The following HSDL2 variants were observed in gnomAD, a reference collection of about 807,000 sequenced individuals.
HSDL2 encodes hydroxysteroid dehydrogenase like 2.
HSDL2 carries 27 observed loss-of-function variants against 46.3 expected under a neutral mutation model. The ratio of observed to expected loss-of-function variants is 0.58; its 90% CI spans 0.43 to 0.80. The LOEUF (loss-of-function observed/expected upper bound fraction) is 0.80, where lower values mean the gene tolerates loss of function less well. Among genes scored for constraint, HSDL2 ranks in the 30% least tolerant of loss-of-function variants. The pLI is 0.00. For missense variants in HSDL2, 451 were observed against 502.7 expected (o/e 0.90, Z 0.98); for synonymous variants, 153 against 163.6 (o/e 0.94, Z 0.50).
intron 4 of HSDL2, among the ~76,000 whole-genome samples, chr9:112,412,208 C>T (rs1245349861): frequency 6.6e-6 from 1 of 152,140 alleles, no homozygotes; most frequent in African/African-American, 2.4e-5. Context: ...AAACCTGAAA[C>T]AATTCTGGTC....
rs1832863408 is a variant in HSDL2, at chr9:112,450,627, A to AAAC, written c.866-3384_866-3383insCAA. ...CTAGGTGACAGAGCAAGACTGCCTC[A>AAAC]AAAAAAAAAAAAAAAGTATAGAACA... On this transcript the variant is annotated intron_variant, in intron 8 of 10. Coordinates refer to ENST00000398805, the MANE Select transcript of HSDL2 (RefSeq NM_032303.5). 0.017 allele frequency among the ~76,000 whole-genome samples: 12 copies of AAAC among 720 alleles called. No individual in the cohort carries two copies. The South Asian group carries it at 0.33, about 20-fold the overall frequency. The allele number at this position is 720 out of a possible 152,430, so 0.5% of individuals were successfully genotyped here. A position where few individuals can be genotyped will look rare whatever the true frequency, so the allele number is the denominator to read the frequency against.
chr9:112,388,350 A>G (rs1411309412), intron 1 of HSDL2, among the ~76,000 whole-genome samples: 2 of 151,176 alleles, frequency 1.3e-5, no homozygotes, highest in Admixed American at 6.6e-5. Context: ...AATCCCAGCT[A>G]CTCGGGAGGC....
At chr9:112,467,568 C>G (rs925530811) in intron 10 of HSDL2, among the ~76,000 whole-genome samples, 1 of 152,174 alleles carries the variant, frequency 6.6e-6, no homozygotes, top group Non-Finnish European at 1.5e-5. Flanking sequence ...GGGCACTAAT[C>G]CCATCATTCC....
At chr9:112,391,100 C>T (rs1221557353) in intron 1 of HSDL2, among the ~76,000 whole-genome samples, 4 of 151,850 alleles carry the variant, frequency 2.6e-5, no homozygotes, top group African/African-American at 9.7e-5. Context: ...CACTTGAACC[C>T]AGGAGACAGA....
chr9:112,454,307 G>A, intron 9 of HSDL2, 145 bp downstream of exon 9: 1 of 605,522 alleles, frequency 1.7e-6, no homozygotes, highest in Non-Finnish European at 2.8e-6. Context: ...TTCAAGAACA[G>A]CAACCATAAC....
chr9:112,383,219 G>A (rs1389896844), intron 1 of HSDL2, among the ~76,000 whole-genome samples: 2 of 151,806 alleles, frequency 1.3e-5, no homozygotes, highest in Non-Finnish European at 2.9e-5. Context: ...GATTACAGGC[G>A]CACACCACCA....
chr9:112,418,656 G>A (rs1832050100), intron 5 of HSDL2, among the ~76,000 whole-genome samples: 1 of 151,432 alleles, frequency 6.6e-6, no homozygotes, highest in Non-Finnish European at 1.5e-5. Context: ...ATATATGTGT[G>A]CGTGGGTGTG....
intron 4 of HSDL2, among the ~76,000 whole-genome samples, chr9:112,415,184 C>T (rs2132637836): frequency 6.6e-6 from 1 of 152,090 alleles, no homozygotes; most frequent in Non-Finnish European, 1.5e-5. Context: ...ATGTATTGCA[C>T]CCAAAGGCAT....
intron 10 of HSDL2, among the ~76,000 whole-genome samples, chr9:112,464,207 C>G (rs1274273042): frequency 1.3e-5 from 2 of 151,266 alleles, no homozygotes; most frequent in Non-Finnish European, 3.0e-5. Flanking sequence ...CTTCTACACA[C>G]ACACAGACAC....
intron 10 of HSDL2, among the ~76,000 whole-genome samples, chr9:112,469,167 A>G (rs1037386026): frequency 1.4e-4 from 21 of 152,138 alleles, no homozygotes; most frequent in Admixed American, 1.1e-3. Flanking sequence ...CTTTCTACCT[A>G]TAATAACTCC....
intron 5 of HSDL2, 90 bp from the exon 6 acceptor site, chr9:112,418,770 T>C (rs993762361): frequency 4.3e-5 from 24 of 558,440 alleles, no homozygotes; most frequent in Non-Finnish European, 5.8e-5. Flanking sequence ...AGGAAGAAAA[T>C]AGTAATAGAA....
At position 112,471,045 on chromosome 9, in the gene HSDL2, G is replaced by A. The variant is rs1237931015; in HGVS notation, c.*501G>A. On this transcript the variant is annotated 3_prime_UTR_variant, in exon 11 of 11. Coordinates refer to ENST00000398805, the MANE Select transcript of HSDL2 (RefSeq NM_032303.5). ...TAAAAAATGAATTAGTACTGGCGAG[G>A]ACTAAATGAAACAATAATTTTTCAT... is the stretch of plus-strand genomic sequence containing the variant. The A allele has an allele frequency of 6.6e-6, 1 of 152,128 alleles. No individual in the cohort carries two copies. Among genetic ancestry groups the A allele is most frequent in the Non-Finnish European group, 1.5e-5 (1 of 68,024 alleles). 9.4% of individuals were successfully genotyped at this position (152,128 alleles called of 1,614,324 possible). A position where few individuals can be genotyped will look rare whatever the true frequency, so the allele number is the denominator to read the frequency against.
chr9:112,452,811 A>G (rs1443040170), intron 8 of HSDL2, among the ~76,000 whole-genome samples: 1 of 152,204 alleles, frequency 6.6e-6, no homozygotes, highest in African/African-American at 2.4e-5. Flanking sequence ...AAGCAGTCCT[A>G]TGAACTGCTG....
At chr9:112,451,500 ATTGT>A (rs1442274479) in intron 8 of HSDL2, among the ~76,000 whole-genome samples, 17 of 152,198 alleles carry the variant, frequency 1.1e-4, no homozygotes, top group South Asian at 2.1e-4. Flanking sequence ...TCAGCCTTAT[ATTGT>A]TTAATTCAGT....
At chr9:112,433,036 A>G (rs910027302) in intron 6 of HSDL2, among the ~76,000 whole-genome samples, 3 of 151,998 alleles carry the variant, frequency 2.0e-5, no homozygotes, top group Admixed American at 6.6e-5. Flanking sequence ...CAGCCTCCCA[A>G]AGTGCTGGGA....
chr9:112,452,639 C>T (rs571491491), intron 8 of HSDL2, among the ~76,000 whole-genome samples: 13 of 152,212 alleles, frequency 8.5e-5, no homozygotes, highest in Admixed American at 2.6e-4. Flanking sequence ...CCCACCTACT[C>T]GGGAGGCTGA....
intron 4 of HSDL2, 76 bp from the exon 5 acceptor site, chr9:112,416,765 C>T: frequency 2.9e-6 from 2 of 699,884 alleles, no homozygotes; most frequent in South Asian, 3.4e-5. Flanking sequence ...AGAGCAAGGC[C>T]CCCTCTCTTA....
intron 5 of HSDL2, among the ~76,000 whole-genome samples, chr9:112,417,790 A>T (rs1269679890): frequency 6.6e-6 from 1 of 152,016 alleles, no homozygotes; most frequent in Non-Finnish European, 1.5e-5. Context: ...TTAAAAAAAA[A>T]AAAAAGTCCA....
intron 4 of HSDL2, among the ~76,000 whole-genome samples, chr9:112,414,332 A>G (rs1335348269): frequency 6.6e-6 from 1 of 152,244 alleles, no homozygotes; most frequent in East Asian, 1.9e-4. Flanking sequence ...CAAATGCCTT[A>G]CAGGTCTTTG....
Sources: allele counts gnomAD v4.1 joint callset (sites outside exome capture counted in the v4.1 genomes callset), GRCh38; gene constraint gnomAD v4.1.1; transcripts MANE v1.5; gene names NCBI Gene and HGNC (gene_info 2026-07-23, HGNC 2026-07-21).